The following SNTG2 variants were observed in gnomAD, a reference collection of about 807,000 sequenced individuals.
The protein encoded by SNTG2 is syntrophin gamma 2.
SNTG2 carries 74 observed loss-of-function variants against 70.9 expected under a neutral mutation model. That is an observed-to-expected ratio of 1.04 (90% CI 0.86 to 1.27). The LOEUF is 1.27. Among genes scored for constraint, SNTG2 ranks in the 50% most tolerant of loss-of-function variants. The probability of loss-of-function intolerance (pLI) is 0.00; values close to 1 mark genes in which losing one functional copy is unlikely to be tolerated. For synonymous variants in SNTG2, 278 were observed against 273.8 expected, an observed-to-expected ratio of 1.02 and a Z score of -0.15; for missense variants, 717 against 690.7, an observed-to-expected ratio of 1.04 and a Z score of -0.43.
At chr2:1,165,352 G>GT (rs1336292353) in intron 6 of SNTG2, among the ~76,000 whole-genome samples, 196 bp from the exon 7 acceptor site, 2 of 152,206 alleles carry the variant, frequency 1.3e-5, no homozygotes, top group African/African-American at 4.8e-5. Context: ...CAGATAGAGT[G>GT]TGGGGGGTAG....
chr2:1,311,907 A>G (rs1480226911), intron 15 of SNTG2, among the ~76,000 whole-genome samples: 1 of 152,174 alleles, frequency 6.6e-6, no homozygotes, highest in African/African-American at 2.4e-5. Context: ...AACAATGCCT[A>G]TTCACCAAAC....
At chr2:980,166 C>G (rs1369455827) in intron 1 of SNTG2, among the ~76,000 whole-genome samples, 1 of 152,132 alleles carries the variant, frequency 6.6e-6, no homozygotes, top group Non-Finnish European at 1.5e-5. Context: ...ATCACACAGC[C>G]ATCTAAACAA....
intron 6 of SNTG2, 119 bp from the exon 7 acceptor site, chr2:1,165,429 A>C (rs1670641363): frequency 4.2e-6 from 4 of 960,580 alleles, no homozygotes; most frequent in Non-Finnish European, 6.3e-6. Context: ...TCCGTGTTTC[A>C]GAGGTAACTA....
At chr2:970,630 G>A (rs1192589397) in intron 1 of SNTG2, among the ~76,000 whole-genome samples, 1 of 143,818 alleles carries the variant, frequency 7.0e-6, no homozygotes, top group Non-Finnish European at 1.5e-5. Context: ...AGTATTCCAT[G>A]GTGTATATGT....
intron 12 of SNTG2, chr2:1,256,334 A>G (rs1265437095): frequency 1.3e-5 from 2 of 152,184 alleles, no homozygotes; most frequent in African/African-American, 2.4e-5. Flanking sequence ...GTATATGCAT[A>G]CAGAGAGGGT....
At chr2:1,181,440 C>T (rs1386022326) in intron 8 of SNTG2, among the ~76,000 whole-genome samples, 1 of 152,152 alleles carries the variant, frequency 6.6e-6, no homozygotes, top group African/African-American at 2.4e-5. Context: ...GCTTCACTTT[C>T]ATCCTCCCAG....
intron 4 of SNTG2, among the ~76,000 whole-genome samples, chr2:1,109,524 C>G (rs1050783354): frequency 9.2e-5 from 14 of 152,140 alleles, no homozygotes; most frequent in Non-Finnish European, 2.9e-5. Context: ...CATGATTATT[C>G]ACATTTCATA....
At chr2:1,151,849 G>A (rs1019614797) in intron 6 of SNTG2, among the ~76,000 whole-genome samples, 6 of 152,142 alleles carry the variant, frequency 3.9e-5, no homozygotes, top group African/African-American at 9.7e-5. Context: ...TGGGTGACTA[G>A]CACTCGTGTG....
At chr2:1,201,005 A>G (rs1464734120) in intron 8 of SNTG2, among the ~76,000 whole-genome samples, 1 of 152,032 alleles carries the variant, frequency 6.6e-6, no homozygotes, top group Admixed American at 6.5e-5. Flanking sequence ...TCAGAAAACT[A>G]AAAATAGAGC....
chr2:1,053,061 T>C (rs1416376807), intron 1 of SNTG2, among the ~76,000 whole-genome samples: 1 of 152,226 alleles, frequency 6.6e-6, no homozygotes, highest in Non-Finnish European at 1.5e-5. Context: ...AATAACATAC[T>C]CTGACTTCAG....
At chr2:1,133,861 C>T (rs79350412) in intron 4 of SNTG2, among the ~76,000 whole-genome samples, 18,124 of 152,126 alleles carry the variant, frequency 0.12, 1,126 homozygotes, top group Admixed American at 0.15. Context: ...GTTTTGTGTC[C>T]GGAATTGGTG....
At chr2:1,298,024 C>A (rs951739610) in intron 14 of SNTG2, among the ~76,000 whole-genome samples, 3 of 152,286 alleles carry the variant, frequency 2.0e-5, no homozygotes, top group Middle Eastern at 3.4e-3. Flanking sequence ...CAAGGGGTGA[C>A]GGACAGAAGA....
intron 16 of SNTG2, among the ~76,000 whole-genome samples, chr2:1,332,726 G>T (rs906721738): frequency 2.0e-5 from 3 of 152,136 alleles, no homozygotes; most frequent in Non-Finnish European, 4.4e-5. Context: ...CTCAATAGAT[G>T]CAGGTAAAGA....
At chr2:1,328,766 A>G (rs1300034209) in intron 16 of SNTG2, among the ~76,000 whole-genome samples, 1 of 152,184 alleles carries the variant, frequency 6.6e-6, no homozygotes, top group Non-Finnish European at 1.5e-5. Context: ...GCTTTCATAG[A>G]AAGAACAGAA....
chr2:1,066,222 G>A (rs559479127), intron 1 of SNTG2, among the ~76,000 whole-genome samples: 1 of 152,266 alleles, frequency 6.6e-6, no homozygotes, highest in Admixed American at 6.5e-5. Context: ...GCTGGGTGTG[G>A]GAATGTTTTC....
intron 14 of SNTG2, among the ~76,000 whole-genome samples, chr2:1,304,912 C>G (rs1680609515): frequency 6.6e-6 from 1 of 151,996 alleles, no homozygotes; most frequent in Non-Finnish European, 1.5e-5. Context: ...TTACTTTAAG[C>G]TTTCATTAAT....
chr2:1,069,349 A>T (rs1663368408), intron 1 of SNTG2, among the ~76,000 whole-genome samples: 1 of 151,910 alleles, frequency 6.6e-6, no homozygotes, highest in South Asian at 2.1e-4. Context: ...GAAAAAAAAA[A>T]AAACCTCTTG....
At chr2:1,331,307 C>T (rs1340631805) in intron 16 of SNTG2, among the ~76,000 whole-genome samples, 2 of 152,208 alleles carry the variant, frequency 1.3e-5, no homozygotes, top group African/African-American at 4.8e-5. Flanking sequence ...CACTAGAAAG[C>T]AGCTGCAATT....
intron 16 of SNTG2, among the ~76,000 whole-genome samples, chr2:1,328,180 C>T (rs1681833934): frequency 6.6e-6 from 1 of 152,222 alleles, no homozygotes; most frequent in East Asian, 1.9e-4. Context: ...ATCCAGGCAC[C>T]TCCCACCAGG....
Sources: allele counts gnomAD v4.1 joint callset (sites outside exome capture counted in the v4.1 genomes callset), GRCh38; gene constraint gnomAD v4.1.1; transcripts MANE v1.5; gene names NCBI Gene and HGNC (gene_info 2026-07-23, HGNC 2026-07-21).